Variants in TMEM108 observed in about 807,000 individuals in gnomAD.
TMEM108 encodes the protein cancer/testis antigen 124.
In TMEM108, 12 loss-of-function variants were observed where a neutral mutation model predicts 35.1. That is an observed-to-expected ratio of 0.34 (90% CI 0.22 to 0.55). TMEM108 has a LOEUF of 0.55. Ranked by LOEUF, TMEM108 falls within the 20% of genes least tolerant of loss-of-function variation. TMEM108 has a pLI of 0.89. For synonymous variants in TMEM108, 287 were observed against 308.6 expected (o/e 0.93, Z 0.73); for missense variants, 680 against 753.3 (o/e 0.90, Z 1.14).
At chr3:133,318,183 A>G (rs2071221988) in intron 3 of TMEM108, among the ~76,000 whole-genome samples, 1 of 152,132 alleles carries the variant, frequency 6.6e-6, no homozygotes, top group Non-Finnish European at 1.5e-5. Context: ...AAAGTGACAC[A>G]CCAAGTAGTG....
At chr3:133,216,258 C>T (rs927622793) in intron 2 of TMEM108, among the ~76,000 whole-genome samples, 3 of 152,062 alleles carry the variant, frequency 2.0e-5, no homozygotes, top group African/African-American at 7.2e-5. Flanking sequence ...CCTTCTGACT[C>T]AGTGCAAGTG....
chr3:133,305,348 A>C (rs995863362), intron 3 of TMEM108, among the ~76,000 whole-genome samples: 1 of 115,800 alleles, frequency 8.6e-6, no homozygotes, highest in Non-Finnish European at 1.6e-5. Context: ...GGAATATCAC[A>C]CTCTGGGGAC....
chr3:133,370,923 C>CGCG (rs2072648993), intron 3 of TMEM108, among the ~76,000 whole-genome samples: 1 of 69,956 alleles, frequency 1.4e-5, no homozygotes, highest in African/African-American at 5.0e-5. Flanking sequence ...TGTGTGTGTG[C>CGCG]CAGGAAGCTT....
At chr3:133,069,448 G>A (rs1372908781) in intron 2 of TMEM108, among the ~76,000 whole-genome samples, 2 of 152,152 alleles carry the variant, frequency 1.3e-5, no homozygotes, top group East Asian at 1.9e-4. Context: ...TTCAGTGGTA[G>A]TGCAAAGAAA....
At chr3:133,096,351 G>T (rs1483019968) in intron 2 of TMEM108, among the ~76,000 whole-genome samples, 1 of 152,106 alleles carries the variant, frequency 6.6e-6, no homozygotes, top group Non-Finnish European at 1.5e-5. Flanking sequence ...TGTAGAGATG[G>T]GGTCTTGCCA....
chr3:133,162,747 C>G (rs994693725), intron 2 of TMEM108, among the ~76,000 whole-genome samples: 2 of 152,226 alleles, frequency 1.3e-5, no homozygotes, highest in Non-Finnish European at 2.9e-5. Context: ...CTGGCCTCAA[C>G]TGATTCATCA....
chr3:133,341,440 A>G (rs1305496528), intron 3 of TMEM108, among the ~76,000 whole-genome samples: 3 of 151,916 alleles, frequency 2.0e-5, no homozygotes, highest in African/African-American at 7.2e-5. Context: ...GATTGAAATA[A>G]TATTGTTAAA....
chr3:133,049,596 T>G (rs1329165280), intron 2 of TMEM108, among the ~76,000 whole-genome samples: 1 of 152,208 alleles, frequency 6.6e-6, no homozygotes, highest in African/African-American at 2.4e-5. Flanking sequence ...GCTGAACTTT[T>G]TACCTTGCTC....
intron 3 of TMEM108, among the ~76,000 whole-genome samples, chr3:133,263,696 C>A (rs1244690507): frequency 6.6e-6 from 1 of 152,142 alleles, no homozygotes; most frequent in Admixed American, 6.5e-5. Context: ...CAGATAATCC[C>A]AAAACTATGT....
intron 2 of TMEM108, among the ~76,000 whole-genome samples, chr3:133,075,101 C>G (rs1473422831): frequency 6.6e-6 from 1 of 152,204 alleles, no homozygotes; most frequent in Non-Finnish European, 1.5e-5. Flanking sequence ...TGCTTCTCCA[C>G]AGAGCATCCA....
chr3:133,190,399 G>T (rs1945481847), intron 2 of TMEM108, among the ~76,000 whole-genome samples: 1 of 152,072 alleles, frequency 6.6e-6, no homozygotes, highest in African/African-American at 2.4e-5. Flanking sequence ...ATATTTCAAG[G>T]GTAGAAGAAT....
intron 2 of TMEM108, among the ~76,000 whole-genome samples, chr3:133,208,194 C>T (rs984579143): frequency 6.6e-6 from 1 of 152,176 alleles, no homozygotes; most frequent in Non-Finnish European, 1.5e-5. Context: ...GTTTCTGATT[C>T]AGTGGGTCTG....
intron 2 of TMEM108, among the ~76,000 whole-genome samples, chr3:133,101,007 C>T (rs1944080626): frequency 2.7e-5 from 4 of 147,672 alleles, no homozygotes. Flanking sequence ...TCCTCATTGT[C>T]ACATACACAT....
At chr3:133,347,909 G>A (rs1039264937) in intron 3 of TMEM108, among the ~76,000 whole-genome samples, 3 of 152,064 alleles carry the variant, frequency 2.0e-5, no homozygotes, top group Non-Finnish European at 4.4e-5. Context: ...TTGAATTAAT[G>A]AAGAGAGAGA....
At chr3:133,251,682 A>G (rs558436684) in intron 3 of TMEM108, among the ~76,000 whole-genome samples, 2 of 152,264 alleles carry the variant, frequency 1.3e-5, no homozygotes, top group African/African-American at 4.8e-5. Context: ...AGTGATACAT[A>G]TAAATTTTTG....
chr3:133,098,455 A>G (rs1347506493), intron 2 of TMEM108, among the ~76,000 whole-genome samples: 1 of 152,140 alleles, frequency 6.6e-6, no homozygotes, highest in African/African-American at 2.4e-5. Context: ...TCTAAATCTC[A>G]TGGCCTCACA....
intron 2 of TMEM108, among the ~76,000 whole-genome samples, chr3:133,091,642 C>T (rs1336980847): frequency 6.6e-6 from 1 of 152,200 alleles, no homozygotes; most frequent in Admixed American, 6.5e-5. Context: ...TACTTATTCA[C>T]CAGCTACTTA....
At chr3:133,119,117 G>A (rs7631163) in intron 2 of TMEM108, 51,092 of 151,746 alleles carry the variant, frequency 0.34, 8,732 homozygotes, top group Admixed American at 0.41. Flanking sequence ...CGGCATTTTC[G>A]CATGTGCTTT....
At chr3:133,206,126 G>C (rs1039840307) in intron 2 of TMEM108, among the ~76,000 whole-genome samples, 1 of 152,126 alleles carries the variant, frequency 6.6e-6, no homozygotes, top group African/African-American at 2.4e-5. Context: ...CGAAGTTCTC[G>C]TGCTGTGTTT....
Sources: gnomAD v4.1 joint callset for allele counts (sites outside exome capture counted in the v4.1 genomes callset) on GRCh38, gnomAD v4.1.1 for gene constraint, MANE v1.5 for transcripts, NCBI Gene and HGNC (gene_info 2026-07-23, HGNC 2026-07-21) for gene names.